Variants in CDC42SE2 observed in about 807,000 individuals in gnomAD.
The protein encoded by CDC42SE2 is CDC42 small effector protein 2.
CDC42SE2 carries 3 observed loss-of-function variants against 11.5 expected under a neutral mutation model. The ratio of observed to expected loss-of-function variants is 0.26; its 90% CI spans 0.12 to 0.67. The LOEUF is 0.67. Among genes scored for constraint, CDC42SE2 ranks in the 30% least tolerant of loss-of-function variants. CDC42SE2 has a pLI of 0.80. For missense variants in CDC42SE2, 82 were observed against 106.8 expected (o/e 0.77, Z 1.02); for synonymous variants, 33 against 34.8 (o/e 0.95, Z 0.18).
intron 1 of CDC42SE2, among the ~76,000 whole-genome samples, chr5:131,289,523 A>C (rs1430935347): frequency 6.6e-6 from 1 of 152,094 alleles, no homozygotes; most frequent in Non-Finnish European, 1.5e-5. Flanking sequence ...AATACAAAAA[A>C]TTAGCTGGGC....
chr5:131,372,728 G>T (rs1182353838), intron 3 of CDC42SE2, among the ~76,000 whole-genome samples: 1 of 151,150 alleles, frequency 6.6e-6, no homozygotes, highest in Non-Finnish European at 1.5e-5. Flanking sequence ...AAAAAAAAAT[G>T]TCAGACAGAT....
rs1251780717 is a variant in CDC42SE2, at chr5:131,392,274, G to A, written c.*1183G>A. The A allele has an allele frequency of 1.3e-5, 2 of 152,656 alleles. No homozygotes were observed. Among genetic ancestry groups the A allele is most frequent in the Non-Finnish European group, 2.9e-5 (2 of 68,024 alleles). 9.5% of individuals were successfully genotyped at this position (152,656 alleles called of 1,614,324 possible). On this transcript the variant is annotated 3_prime_UTR_variant, in exon 5 of 5. Coordinates refer to ENST00000505065, the MANE Select transcript of CDC42SE2 (RefSeq NM_001375635.1). Reference sequence around the variant, plus strand: ...TTTATGTATATTTTGGAAGGTATGAGACCCACAAGCACAATGATCATTTTT... The same window carrying A: ...TTTATGTATATTTTGGAAGGTATGAAACCCACAAGCACAATGATCATTTTT...
At chr5:131,354,465 A>T (rs1749471291) in intron 2 of CDC42SE2, among the ~76,000 whole-genome samples, 1 of 152,238 alleles carries the variant, frequency 6.6e-6, no homozygotes, top group East Asian at 1.9e-4. Flanking sequence ...TTTTATATGT[A>T]TGTATGCATC....
chr5:131,264,499 C>G (rs964293586), intron 1 of CDC42SE2, among the ~76,000 whole-genome samples: 3 of 151,830 alleles, frequency 2.0e-5, no homozygotes, highest in African/African-American at 4.8e-5. Flanking sequence ...AGACCCCCCC[C>G]CTCCCCCCAA....
intron 1 of CDC42SE2, among the ~76,000 whole-genome samples, chr5:131,276,019 A>G (rs1056662374): frequency 2.6e-5 from 4 of 152,064 alleles, no homozygotes; most frequent in African/African-American, 4.8e-5. Flanking sequence ...TAAAACTGCA[A>G]TTTTACTGAT....
chr5:131,377,004 C>T (rs1750173548), intron 3 of CDC42SE2, among the ~76,000 whole-genome samples: 1 of 152,080 alleles, frequency 6.6e-6, no homozygotes, highest in Non-Finnish European at 1.5e-5. Flanking sequence ...TGGGTATATA[C>T]TCAGTAAGGG....
chr5:131,363,157 T>C (rs1462632805), intron 3 of CDC42SE2, among the ~76,000 whole-genome samples: 1 of 151,504 alleles, frequency 6.6e-6, no homozygotes, highest in Non-Finnish European at 1.5e-5. Flanking sequence ...AAAAAAAAGA[T>C]TTATTAGCTG....
Position 131,338,044 on chromosome 5 carries a change from G to A in CDC42SE2, c.-285-21165G>A, listed in dbSNP as rs150556051. ...GCAGAAATCACCCATCTTCTGCGTC[G>A]CTCACGCTGGGAGTTGCAGACTGGA... On this transcript the variant is annotated intron_variant, in intron 2 of 4. Coordinates refer to ENST00000505065, the MANE Select transcript of CDC42SE2 (RefSeq NM_001375635.1). 3.3e-3 allele frequency among the ~76,000 whole-genome samples: 497 copies of A among 152,360 alleles called. 6 individuals are homozygous for A. Among genetic ancestry groups the A allele is most frequent in the African/African-American group, 0.012 (487 of 41,578 alleles).
the CDC42SE2 span, among the ~76,000 whole-genome samples, chr5:131,237,079 G>A: frequency 6.6e-6 from 1 of 152,006 alleles, no homozygotes; most frequent in East Asian, 1.9e-4. Flanking sequence ...GAGACAGCAG[G>A]GATCACCTCA....
intron 2 of CDC42SE2, among the ~76,000 whole-genome samples, chr5:131,322,992 G>C (rs1193290943): frequency 6.6e-6 from 1 of 151,950 alleles, no homozygotes; most frequent in Non-Finnish European, 1.5e-5. Flanking sequence ...TTTCATAGTA[G>C]CCATCCTAAG....
the CDC42SE2 span, among the ~76,000 whole-genome samples, chr5:131,222,902 C>T: frequency 6.6e-6 from 1 of 152,346 alleles, no homozygotes; most frequent in Non-Finnish European, 1.5e-5. Flanking sequence ...TGACTCTGCT[C>T]CTGCTGCCAA....
chr5:131,268,143 A>G (rs1210068277), intron 1 of CDC42SE2, among the ~76,000 whole-genome samples: 1 of 141,404 alleles, frequency 7.1e-6, no homozygotes, highest in Non-Finnish European at 1.5e-5. Context: ...GCTCACTGCA[A>G]CCTCTGTCTC....
chr5:131,390,031 A>AT (rs1750601225), intron 4 of CDC42SE2, among the ~76,000 whole-genome samples: 1 of 152,212 alleles, frequency 6.6e-6, no homozygotes, highest in African/African-American at 2.4e-5. Flanking sequence ...AAAAGAAAAT[A>AT]TCCCAATTTT....
intron 3 of CDC42SE2, among the ~76,000 whole-genome samples, chr5:131,383,237 G>A (rs955391874): frequency 6.6e-6 from 1 of 152,198 alleles, no homozygotes; most frequent in African/African-American, 2.4e-5. Flanking sequence ...GATCATCAGA[G>A]GGAGCAGTAT....
At chr5:131,300,175 G>A (rs1288603085) in intron 1 of CDC42SE2, among the ~76,000 whole-genome samples, 1 of 152,122 alleles carries the variant, frequency 6.6e-6, no homozygotes, top group African/African-American at 2.4e-5. Context: ...GTGAAAGGAT[G>A]GATGGGAATT....
intron 2 of CDC42SE2, among the ~76,000 whole-genome samples, chr5:131,343,103 A>G (rs944246938): frequency 6.6e-6 from 1 of 152,208 alleles, no homozygotes; most frequent in African/African-American, 2.4e-5. Context: ...GTAGTAGGAC[A>G]GAATTTTAGT....
chr5:131,321,506 A>G (rs1758186087), intron 2 of CDC42SE2, among the ~76,000 whole-genome samples: 1 of 152,122 alleles, frequency 6.6e-6, no homozygotes, highest in African/African-American at 2.4e-5. Flanking sequence ...AATGGTACTG[A>G]TATTGCCTGA....
chr5:131,251,292 T>C (rs1039037362), intron 1 of CDC42SE2, among the ~76,000 whole-genome samples: 3 of 152,202 alleles, frequency 2.0e-5, no homozygotes, highest in Non-Finnish European at 2.9e-5. Flanking sequence ...ATAATCCTCT[T>C]TGAATTCTTT....
chr5:131,336,346 A>C (rs1330900195), intron 2 of CDC42SE2, among the ~76,000 whole-genome samples: 1 of 152,190 alleles, frequency 6.6e-6, no homozygotes, highest in Non-Finnish European at 1.5e-5. Flanking sequence ...ATCTGCTGTT[A>C]GTCTGATGGG....
Sources: gnomAD v4.1 joint callset for allele counts (sites outside exome capture counted in the v4.1 genomes callset) on GRCh38, gnomAD v4.1.1 for gene constraint, MANE v1.5 for transcripts, NCBI Gene and HGNC (gene_info 2026-07-23, HGNC 2026-07-21) for gene names.